PGGT1B: variants seen among roughly 807,000 people sequenced by gnomAD.
The protein encoded by PGGT1B is protein geranylgeranyltransferase type I subunit beta.
Under a neutral mutation model 46.1 loss-of-function variants are expected in PGGT1B, and 30 were observed. That is an observed-to-expected ratio of 0.65 (90% CI 0.49 to 0.88). PGGT1B has a LOEUF of 0.88. Ranked by LOEUF, PGGT1B falls within the 40% of genes least tolerant of loss-of-function variation. PGGT1B has a pLI of 0.00. For synonymous variants in PGGT1B, 170 were observed against 160.0 expected, an observed-to-expected ratio of 1.06 and a Z score of -0.47; for missense variants, 376 against 455.9, an observed-to-expected ratio of 0.82 and a Z score of 1.60.
chr5:115,211,236 A>G lies in PGGT1B; in HGVS notation c.*1166T>C, dbSNP rs1432586216. Reference sequence around the variant, plus strand: ...GATATGAGTTATTGATAAATTAATTACTAATGAAGAGTTTTTATACTACCT... The same window carrying G: ...GATATGAGTTATTGATAAATTAATTGCTAATGAAGAGTTTTTATACTACCT... On this transcript the variant is annotated 3_prime_UTR_variant, in exon 9 of 9. Coordinates refer to ENST00000419445, the MANE Select transcript of PGGT1B (RefSeq NM_005023.4). 1 of 152,098 alleles carries G rather than the reference A, an allele frequency of 6.6e-6. No individual in the cohort carries two copies. Among genetic ancestry groups the G allele is most frequent in the Admixed American group, 6.5e-5 (1 of 15,280 alleles). The allele number at this position is 152,098 out of a possible 1,614,324, so 9.4% of individuals were successfully genotyped here. A position where few individuals can be genotyped will look rare whatever the true frequency, so the allele number is the denominator to read the frequency against.
At chr5:115,237,479 C>T (rs1365492500) in intron 4 of PGGT1B, among the ~76,000 whole-genome samples, 1 of 152,158 alleles carries the variant, frequency 6.6e-6, no homozygotes, top group Non-Finnish European at 1.5e-5. Flanking sequence ...ATTCAGTGTT[C>T]ACCCCTTTCT....
rs569718564 is a variant in PGGT1B at position 115,245,905 on chromosome 5, G to C, written c.260-4299C>G. The stretch of plus-strand genomic sequence containing the variant: ...GTTTATACTTTATTCTACAGTAAGA[G>C]AATTCTCCTGTTTCTTATGAAAAGC... On this transcript the variant is annotated intron_variant, in intron 2 of 8. Transcript: ENST00000419445. Among the ~76,000 whole-genome samples the C allele has an allele frequency of 5.3e-4, 81 of 152,198 alleles. 4 individuals are homozygous for C. In the South Asian group the frequency reaches 0.015, roughly 29 times the overall value.
In PGGT1B at chr5:115,242,022, C is replaced by T. The variant is rs183129432; in HGVS notation, c.260-416G>A. Among the ~76,000 whole-genome samples the T allele has an allele frequency of 1.4e-3, 206 of 152,254 alleles. 2 individuals carry two copies. Among genetic ancestry groups the T allele is most frequent in the African/African-American group, 3.9e-3 (161 of 41,548 alleles). On this transcript the variant is annotated intron_variant, in intron 2 of 8. Transcript: ENST00000419445. ...GGTCTACTGTCTTTTTACTTTAACTCATTTAGTGTGTTTTTACTTTAACTC... is the reference window on the plus strand; with the variant it reads ...GGTCTACTGTCTTTTTACTTTAACTTATTTAGTGTGTTTTTACTTTAACTC...
chr5:115,234,819 T>C (rs897802592), intron 5 of PGGT1B, among the ~76,000 whole-genome samples: 1 of 151,982 alleles, frequency 6.6e-6, no homozygotes, highest in Non-Finnish European at 1.5e-5. Flanking sequence ...GGCATCACGA[T>C]AGATTCATGA....
At chr5:115,229,321 CT>C (rs1178725828) in intron 6 of PGGT1B, among the ~76,000 whole-genome samples, 2 of 152,066 alleles carry the variant, frequency 1.3e-5, no homozygotes, top group African/African-American at 4.8e-5. Flanking sequence ...GTATAATAAC[CT>C]ATTTAAGATA....
In PGGT1B at chr5:115,255,148, A is replaced by G. The variant is rs1019658108; in HGVS notation, c.141-1893T>C. Among the ~76,000 whole-genome samples the G allele has an allele frequency of 2.6e-5, 4 of 152,314 alleles. No individual in the cohort carries two copies. In the East Asian group the frequency reaches 5.8e-4, roughly 22 times the overall value. ...AATAAGCACGCAATAAATGGAAGCCATTATCCTTGGTCTTTGCCATGATTT... is the reference window on the plus strand; with the variant it reads ...AATAAGCACGCAATAAATGGAAGCCGTTATCCTTGGTCTTTGCCATGATTT... On this transcript the variant is annotated intron_variant, in intron 1 of 8. Transcript: ENST00000419445.
chr5:115,239,826 T>C (rs1400413855), intron 3 of PGGT1B, among the ~76,000 whole-genome samples: 2 of 152,180 alleles, frequency 1.3e-5, no homozygotes, highest in Non-Finnish European at 2.9e-5. Context: ...GCATGGGATT[T>C]GTGAAAGGAA....
At chr5:115,219,768 G>A (rs1756530796) in intron 7 of PGGT1B, among the ~76,000 whole-genome samples, 1 of 151,674 alleles carries the variant, frequency 6.6e-6, no homozygotes, top group African/African-American at 2.4e-5. Flanking sequence ...TTTAAAAATA[G>A]GCAAAGGGTT....
chr5:115,253,340 C>A, intron 1 of PGGT1B, 85 bp from the exon 2 acceptor site: 4 of 1,119,432 alleles, frequency 3.6e-6, no homozygotes, highest in South Asian at 1.7e-5. Flanking sequence ...ATAATAAAAT[C>A]ATTCTAATTT....
intron 2 of PGGT1B, among the ~76,000 whole-genome samples, chr5:115,246,806 A>G (rs1747867241): frequency 6.6e-6 from 1 of 152,258 alleles, no homozygotes; most frequent in African/African-American, 2.4e-5. Context: ...TTTGGTAAAT[A>G]TACTTTTGTA....
chr5:115,240,779 C>A (rs1440947805), intron 3 of PGGT1B, among the ~76,000 whole-genome samples: 3 of 152,200 alleles, frequency 2.0e-5, no homozygotes, highest in Non-Finnish European at 4.4e-5. Context: ...TGGCTTATAA[C>A]CATTACATAA....
In PGGT1B at chr5:115,211,959, T is replaced by G. The variant is rs1756242524; in HGVS notation, c.*443A>C. The G allele has an allele frequency of 6.4e-6, 1 of 155,430 alleles. No homozygotes were observed. Among genetic ancestry groups the G allele is most frequent in the Non-Finnish European group, 1.4e-5 (1 of 70,040 alleles). The allele number at this position is 155,430 out of a possible 1,614,324, so 9.6% of individuals were successfully genotyped here. A position where few individuals can be genotyped will look rare whatever the true frequency, so the allele number is the denominator to read the frequency against. On this transcript the variant is annotated 3_prime_UTR_variant, in exon 9 of 9. Coordinates refer to ENST00000419445, the MANE Select transcript of PGGT1B (RefSeq NM_005023.4). ...GTTTTCAAAGAATAATCCCAGATAC[T>G]TAATTAATTAAAGCAAATTTTCTAC...
chr5:115,234,125 C>A (rs1757092615), intron 5 of PGGT1B, among the ~76,000 whole-genome samples: 1 of 149,810 alleles, frequency 6.7e-6, no homozygotes, highest in Admixed American at 6.7e-5. Context: ...AGAGAAAAAT[C>A]TCTCTGAACT....
At position 115,210,249 on chromosome 5, in the gene PGGT1B, C is replaced by T. The variant is rs1316367154; in HGVS notation, c.*2153G>A. On this transcript the variant is annotated 3_prime_UTR_variant, in exon 9 of 9. Transcript: ENST00000419445. The stretch of plus-strand genomic sequence containing the variant: ...AAGGAGACAAGTATAGAGTAGGTAA[C>T]AGAGCTTTTTGAGATTTCGGACTTC... 2.6e-5 allele frequency: 4 copies of T among 152,116 alleles called. No homozygotes were observed. Among genetic ancestry groups the T allele is most frequent in the Admixed American group, 1.3e-4 (2 of 15,270 alleles). 9.4% of individuals were successfully genotyped at this position (152,116 alleles called of 1,614,324 possible).
intron 1 of PGGT1B, among the ~76,000 whole-genome samples, chr5:115,259,010 A>G (rs975269717): frequency 2.0e-5 from 3 of 152,232 alleles, no homozygotes; most frequent in Non-Finnish European, 2.9e-5. Context: ...AACACCATAC[A>G]GACACTCTAT....
At chr5:115,236,664 T>G (rs1487911170) in intron 4 of PGGT1B, 142 bp from the exon 5 acceptor site, 2 of 513,706 alleles carry the variant, frequency 3.9e-6, no homozygotes, top group East Asian at 7.0e-5. Flanking sequence ...ATATTCTACT[T>G]TTATTATTCA....
chr5:115,219,939 A>G (rs1250612849), intron 7 of PGGT1B, among the ~76,000 whole-genome samples: 1 of 151,832 alleles, frequency 6.6e-6, no homozygotes, highest in Non-Finnish European at 1.5e-5. Flanking sequence ...AAACAAACAG[A>G]AAAAACAAAT....
chr5:115,213,081 T>C (rs1010147019), intron 8 of PGGT1B, among the ~76,000 whole-genome samples: 1 of 152,214 alleles, frequency 6.6e-6, no homozygotes, highest in Admixed American at 6.5e-5. Context: ...TATCCTAACA[T>C]TGTGTTAAAT....
At chr5:115,238,281 A>AT (rs1345118049) in intron 3 of PGGT1B, among the ~76,000 whole-genome samples, 1 of 42,516 alleles carries the variant, frequency 2.4e-5, no homozygotes, top group Non-Finnish European at 5.1e-5. Flanking sequence ...TGTATTACTT[A>AT]TTTTTTTGGA....
Sources: gnomAD v4.1 joint callset for allele counts (sites outside exome capture counted in the v4.1 genomes callset) on GRCh38, gnomAD v4.1.1 for gene constraint, MANE v1.5 for transcripts, NCBI Gene and HGNC (gene_info 2026-07-23, HGNC 2026-07-21) for gene names.